Variants in PARD3B observed in about 807,000 individuals in gnomAD.
The protein encoded by PARD3B is partitioning defective 3 homolog B.
In PARD3B, 103 loss-of-function variants were observed where a neutral mutation model predicts 130.2. That is an observed-to-expected ratio of 0.79 (90% CI 0.67 to 0.93). The LOEUF is 0.93. Among genes scored for constraint, PARD3B ranks in the 40% least tolerant of loss-of-function variants. The pLI is 0.00. For missense variants in PARD3B, 1,609 were observed against 1,499.2 expected (o/e 1.07, Z -1.21); for synonymous variants, 583 against 553.2 (o/e 1.05, Z -0.76).
intron 3 of PARD3B, among the ~76,000 whole-genome samples, chr2:205,037,203 C>T (rs966527481): frequency 6.3e-5 from 9 of 143,224 alleles, no homozygotes; most frequent in South Asian, 2.2e-4. Context: ...ATATATATAG[C>T]GGACTATATA....
At chr2:204,682,360 C>T (rs932581636) in intron 1 of PARD3B, among the ~76,000 whole-genome samples, 3 of 152,168 alleles carry the variant, frequency 2.0e-5, no homozygotes, top group African/African-American at 7.2e-5. Context: ...TTGGTTTTCT[C>T]ATCTGTAAGA....
At chr2:205,381,079 T>C (rs1358370718) in intron 18 of PARD3B, among the ~76,000 whole-genome samples, 1 of 26,560 alleles carries the variant, frequency 3.8e-5, no homozygotes, top group Non-Finnish European at 7.0e-5. Context: ...TTATATATAT[T>C]ATATATAAAG....
chr2:204,699,759 C>G (rs2037802017), intron 2 of PARD3B, among the ~76,000 whole-genome samples: 1 of 150,900 alleles, frequency 6.6e-6, no homozygotes, highest in African/African-American at 2.5e-5. Context: ...GACTCTTTCC[C>G]AAATGGAAAC....
At chr2:204,901,839 C>G (rs2046870392) in intron 2 of PARD3B, among the ~76,000 whole-genome samples, 1 of 152,094 alleles carries the variant, frequency 6.6e-6, no homozygotes, top group Non-Finnish European at 1.5e-5. Flanking sequence ...CTGGGTTTTT[C>G]CCTTCAAGGC....
rs974106158 is a variant in PARD3B, at chr2:205,530,461, G to T, written c.3181-22863G>T. ...TTTAAATGTTTGTTGATTCGTTATT[G>T]TCTTTTTGTTTTTATTTTCTCCTTT... On this transcript the variant is annotated intron_variant, in intron 21 of 22. Transcript: ENST00000406610. The surrounding 1 kb of genome is among the most constrained non-coding windows in gnomAD (Gnocchi z 4.7). 6.6e-6 allele frequency among the ~76,000 whole-genome samples: 1 copy of T among 152,176 alleles called. No homozygotes were observed.
chr2:205,117,860 C>T (rs138499276), intron 6 of PARD3B, among the ~76,000 whole-genome samples: 22 of 151,418 alleles, frequency 1.5e-4, no homozygotes, highest in East Asian at 3.9e-4. Context: ...CCATTTCTTA[C>T]GGTTTTTGGT....
At chr2:205,400,992 T>G (rs1441712113) in intron 18 of PARD3B, 21 bp from the exon 19 acceptor site, 1 of 1,543,816 alleles carries the variant, frequency 6.5e-7, no homozygotes, top group Non-Finnish European at 8.8e-7. Context: ...GTTAACAGCC[T>G]TCTCCTTCAC....
chr2:205,251,169 T>A (rs11677033), intron 16 of PARD3B, among the ~76,000 whole-genome samples: 33,219 of 152,086 alleles, frequency 0.22, 3,903 homozygotes, highest in East Asian at 0.32. Context: ...CACAATAGCT[T>A]TAATTTATCT....
At chr2:204,604,954 G>T (rs1477998296) in intron 1 of PARD3B, among the ~76,000 whole-genome samples, 3 of 152,054 alleles carry the variant, frequency 2.0e-5, no homozygotes, top group Non-Finnish European at 4.4e-5. Flanking sequence ...CACATGCCTG[G>T]CCCCTTGGTA....
chr2:205,565,317 T>C (rs762623885), intron 22 of PARD3B, among the ~76,000 whole-genome samples: 3 of 152,202 alleles, frequency 2.0e-5, no homozygotes, highest in Non-Finnish European at 4.4e-5. Flanking sequence ...GAAACAGTCA[T>C]ATAAAATCAG....
intron 1 of PARD3B, among the ~76,000 whole-genome samples, chr2:204,639,159 T>C (rs2034989793): frequency 6.6e-6 from 1 of 152,180 alleles, no homozygotes; most frequent in Non-Finnish European, 1.5e-5. Context: ...ATCTTTTATC[T>C]TGGGAGTAGA....
rs553836886 is a variant in PARD3B, at chr2:205,276,094, C to T, written c.2186-24436C>T. ...TACAAGTAACTGAAGTTGTTGCCTTCATTAAGGATTTCTGTTCCTGAAATT... is the reference window on the plus strand; with the variant it reads ...TACAAGTAACTGAAGTTGTTGCCTTTATTAAGGATTTCTGTTCCTGAAATT... On this transcript the variant is annotated intron_variant, in intron 16 of 22. Transcript: ENST00000406610. This position sits in a 1 kb window ranked among gnomAD's most constrained non-coding sequence, Gnocchi z 5.0. Among the ~76,000 whole-genome samples, 3 of 152,238 alleles carry T rather than the reference C, an allele frequency of 2.0e-5. No individual in the cohort carries two copies. The East Asian group carries it at 5.8e-4, about 29-fold the overall frequency.
At chr2:205,033,121 A>G (rs1697542786) in intron 3 of PARD3B, among the ~76,000 whole-genome samples, 2 of 152,156 alleles carry the variant, frequency 1.3e-5, no homozygotes, top group Non-Finnish European at 2.9e-5. Context: ...ATAGTTCCAT[A>G]AACACTTGGT....
intron 3 of PARD3B, among the ~76,000 whole-genome samples, chr2:204,996,954 G>GCACACACTGGCCTGCGCC (rs1694265259): frequency 2.0e-5 from 3 of 151,990 alleles, no homozygotes; most frequent in Admixed American, 6.5e-5. Context: ...CATGGTGCGC[G>GCACACACTGGCCTGCGCC]CACACACTGG....
At chr2:205,220,773 G>A (rs1475905640) in intron 15 of PARD3B, among the ~76,000 whole-genome samples, 1 of 152,128 alleles carries the variant, frequency 6.6e-6, no homozygotes, top group Non-Finnish European at 1.5e-5. Context: ...GATCAAAGGA[G>A]GTCAGTGAAC....
intron 1 of PARD3B, among the ~76,000 whole-genome samples, chr2:204,555,475 A>T (rs1286815604): frequency 6.6e-6 from 1 of 152,140 alleles, no homozygotes; most frequent in Non-Finnish European, 1.5e-5. Context: ...GGAGAATTGC[A>T]TGAACCTGGG....
At chr2:205,233,063 G>A (rs2038916399) in intron 15 of PARD3B, among the ~76,000 whole-genome samples, 1 of 152,102 alleles carries the variant, frequency 6.6e-6, no homozygotes, top group African/African-American at 2.4e-5. Flanking sequence ...CACAAAAAAT[G>A]AGGAAACCAC....
At chr2:205,330,157 A>T (rs1464129886) in intron 18 of PARD3B, among the ~76,000 whole-genome samples, 3 of 151,612 alleles carry the variant, frequency 2.0e-5, no homozygotes, top group Non-Finnish European at 4.4e-5. Flanking sequence ...CCTGACCAAC[A>T]TGGAGAAACC....
At chr2:205,554,351 C>T (rs1213994218) in intron 22 of PARD3B, among the ~76,000 whole-genome samples, 3 of 152,076 alleles carry the variant, frequency 2.0e-5, no homozygotes, top group African/African-American at 4.8e-5. Context: ...TTTTACAAAA[C>T]AAACACCCTG....
Sources: gnomAD v4.1 joint callset for allele counts (sites outside exome capture counted in the v4.1 genomes callset) on GRCh38, gnomAD v4.1.1 for gene constraint, Gnocchi (gnomAD v3.1) non-coding constraint, MANE v1.5 for transcripts, NCBI Gene and HGNC (gene_info 2026-07-23, HGNC 2026-07-21) for gene names.